Variants in PPP2R2C observed in about 807,000 individuals in gnomAD.
PPP2R2C encodes the protein protein phosphatase 2, regulatory subunit B, gamma.
PPP2R2C carries 10 observed loss-of-function variants against 45.3 expected under a neutral mutation model. The observed-to-expected ratio is 0.22, with a 90% CI of 0.14 to 0.37. The LOEUF (loss-of-function observed/expected upper bound fraction) is 0.37. Ranked by LOEUF, PPP2R2C falls within the 10% of genes least tolerant of loss-of-function variation. The pLI, the probability that PPP2R2C is intolerant of heterozygous loss-of-function variation, is 1.00. For missense variants in PPP2R2C, 308 were observed against 619.7 expected (o/e 0.50, Z 5.34); for synonymous variants, 257 against 245.4 (o/e 1.05, Z -0.44).
At chr4:6,472,777 G>C (rs1721985950), upstream of PPP2R2C, among the ~76,000 whole-genome samples, 1 of 151,964 alleles carries the variant, frequency 6.6e-6, no homozygotes, top group African/African-American at 2.4e-5. Flanking sequence ...GTGCGCCACG[G>C]GGGAGGGAGG....
intron 4 of PPP2R2C, among the ~76,000 whole-genome samples, chr4:6,374,567 T>C (rs1369099650): frequency 1.3e-5 from 2 of 152,040 alleles, no homozygotes; most frequent in African/African-American, 4.8e-5. Flanking sequence ...TTTACAGAGG[T>C]GAAGGCCAGT....
chr4:6,546,381 G>T (rs1724985663), intron 1 of PPP2R2C, among the ~76,000 whole-genome samples: 1 of 152,186 alleles, frequency 6.6e-6, no homozygotes, highest in Admixed American at 6.5e-5. Context: ...ATAGCAATAG[G>T]AATAATAGTA....
intron 5 of PPP2R2C, among the ~76,000 whole-genome samples, chr4:6,362,050 GGGTTGAA>G (rs1312807357): frequency 2.0e-5 from 3 of 152,064 alleles, no homozygotes; most frequent in African/African-American, 7.2e-5. Flanking sequence ...GGGGGTGAGG[GGGTTGAA>G]GAGGGGGAGT....
chr4:6,339,301 C>T (rs533251484), intron 6 of PPP2R2C, among the ~76,000 whole-genome samples: 6 of 152,324 alleles, frequency 3.9e-5, no homozygotes, highest in Admixed American at 6.5e-5. Context: ...ATCATCTTGG[C>T]GCCCCTGCCT....
chr4:6,387,355 G>A (rs1716282134), intron 1 of PPP2R2C, among the ~76,000 whole-genome samples: 1 of 152,180 alleles, frequency 6.6e-6, no homozygotes, highest in Non-Finnish European at 1.5e-5. Context: ...TGTTAAAGCA[G>A]CTAGAATAAA....
At chr4:6,344,332 C>T (rs1206832888) in intron 6 of PPP2R2C, among the ~76,000 whole-genome samples, 1 of 152,224 alleles carries the variant, frequency 6.6e-6, no homozygotes, top group Non-Finnish European at 1.5e-5. Flanking sequence ...CTGTTGAGTT[C>T]ATTGGCTGAT....
chr4:6,334,705 A>G (rs1333247405), intron 6 of PPP2R2C, among the ~76,000 whole-genome samples: 1 of 152,144 alleles, frequency 6.6e-6, no homozygotes, highest in Non-Finnish European at 1.5e-5. Flanking sequence ...GTTGACAGCC[A>G]TTCACCAGCC....
At chr4:6,337,134 A>ATG (rs1385974744) in intron 6 of PPP2R2C, among the ~76,000 whole-genome samples, 4 of 65,192 alleles carry the variant, frequency 6.1e-5, no homozygotes, top group Non-Finnish European at 9.6e-5. Context: ...ATATATATAT[A>ATG]TATATATATA....
chr4:6,337,671 G>A (rs546900385), intron 6 of PPP2R2C, among the ~76,000 whole-genome samples: 1 of 152,294 alleles, frequency 6.6e-6, no homozygotes. Flanking sequence ...GGTGCTGGGT[G>A]TCACAGGGCA....
intron 2 of PPP2R2C, among the ~76,000 whole-genome samples, chr4:6,517,241 T>C (rs1723853371): frequency 6.6e-6 from 1 of 152,132 alleles, no homozygotes; most frequent in Non-Finnish European, 1.5e-5. Context: ...GAACCACACC[T>C]TGCCCGGCAC....
intron 1 of PPP2R2C, chr4:6,381,768 C>T (rs950244073): frequency 6.2e-7 from 1 of 1,611,248 alleles, no homozygotes; most frequent in Non-Finnish European, 8.5e-7. Context: ...TATGGAGTCA[C>T]CCCCATACCT....
At chr4:6,354,867 T>C (rs1286118337) in intron 5 of PPP2R2C, among the ~76,000 whole-genome samples, 2 of 152,038 alleles carry the variant, frequency 1.3e-5, no homozygotes, top group Non-Finnish European at 2.9e-5. Context: ...AAGCTGCAGG[T>C]TGTGCGCACG....
intron 2 of PPP2R2C, among the ~76,000 whole-genome samples, chr4:6,478,029 G>A (rs975498039): frequency 6.6e-6 from 1 of 152,138 alleles, no homozygotes; most frequent in African/African-American, 2.4e-5. Context: ...GGTCTTCACA[G>A]TCTGGCCCCA....
intron 3 of PPP2R2C, among the ~76,000 whole-genome samples, chr4:6,377,099 C>G (rs763878440): frequency 6.6e-6 from 1 of 152,234 alleles, no homozygotes; most frequent in Non-Finnish European, 1.5e-5. Flanking sequence ...GCGAGGATAG[C>G]CTTCAGGCAC....
rs75873901 is a variant in PPP2R2C at position 6,352,764 on chromosome 4, C to A, written c.626-4754G>T. 9.2e-3 allele frequency among the ~76,000 whole-genome samples: 1,405 copies of A among 152,288 alleles called. 18 individuals are homozygous for A. The highest frequency in any genetic ancestry group is 0.032 in the African/African-American group (1,337 of 41,566). On this transcript the variant is annotated intron_variant, in intron 5 of 8. Transcript: ENST00000382599. ...GCAGTGGGTTGAATAATGGCCCCCA[C>A]AAATACATCAGCATAGCATGTGTCC...
intron 1 of PPP2R2C, among the ~76,000 whole-genome samples, chr4:6,421,689 C>T (rs1260118871): frequency 6.9e-6 from 1 of 144,886 alleles, no homozygotes; most frequent in Admixed American, 7.1e-5. Context: ...TGGCATAGGA[C>T]GGCCGAGGGG....
At chr4:6,457,772 A>G (rs1168917829) in intron 1 of PPP2R2C, among the ~76,000 whole-genome samples, 1 of 152,228 alleles carries the variant, frequency 6.6e-6, no homozygotes, top group African/African-American at 2.4e-5. Flanking sequence ...ATTTCTTTGT[A>G]AAAGACATAT....
intron 6 of PPP2R2C, among the ~76,000 whole-genome samples, chr4:6,347,318 C>A (rs1303797648): frequency 6.6e-6 from 1 of 152,062 alleles, no homozygotes; most frequent in African/African-American, 2.4e-5. Flanking sequence ...ACTCGTTCAG[C>A]CCCAGACCTC....
At chr4:6,511,145 A>G (rs1253942933) in intron 2 of PPP2R2C, among the ~76,000 whole-genome samples, 1 of 152,216 alleles carries the variant, frequency 6.6e-6, no homozygotes, top group Non-Finnish European at 1.5e-5. Flanking sequence ...CGCCCATTGC[A>G]TGCGGTTTAG....
Sources: allele counts gnomAD v4.1 joint callset (sites outside exome capture counted in the v4.1 genomes callset), GRCh38; gene constraint gnomAD v4.1.1; transcripts MANE v1.5; gene names NCBI Gene and HGNC (gene_info 2026-07-23, HGNC 2026-07-21).